The following STK31 variants were observed in gnomAD, a reference collection of about 807,000 sequenced individuals.
STK31 encodes the protein serine/threonine kinase 31.
Under a neutral mutation model 129.7 loss-of-function variants are expected in STK31, and 89 were observed. The observed-to-expected ratio is 0.69, with a 90% CI of 0.58 to 0.82. The LOEUF is 0.82. STK31 is among the 40% of genes least tolerant of loss of function. The pLI is 0.00. For missense variants in STK31, 1,187 were observed against 1,176.4 expected (o/e 1.01, Z -0.13); for synonymous variants, 448 against 395.3 (o/e 1.13, Z -1.58).
rs770266467 is a variant in STK31 at position 23,781,408 on chromosome 7, T to C, written c.1966-11T>C. ...ATGTTAATAAAAAACACTTTTTCTT[T>C]CTGATTCAAGTCAGATGATCCTGAT... On this transcript the variant is annotated splice_polypyrimidine_tract_variant and intron_variant, in intron 15 of 23. Transcript: ENST00000355870. 8 of 1,591,740 alleles carry C rather than the reference T, an allele frequency of 5.0e-6. No homozygotes were observed. Among genetic ancestry groups the C allele is most frequent in the Middle Eastern group, 1.7e-4 (1 of 5,768 alleles).
In STK31 at chr7:23,727,556, C is replaced by CTTT. The variant is rs58066410; in HGVS notation, c.324+263_324+265dup. 6.6e-3 allele frequency: 900 copies of CTTT among 137,138 alleles called. 13 individuals are homozygous for CTTT. The highest frequency in any genetic ancestry group is 0.015 in the East Asian group (45 of 2,946). The allele number at this position is 137,138 out of a possible 1,614,324, so 8.5% of individuals were successfully genotyped here. A position where few individuals can be genotyped will look rare whatever the true frequency, so the allele number is the denominator to read the frequency against. ...GTGACTAGTTATTTTTACCTCAGTT[C>CTTT]TTTTTTTTTTTTTTTTTTTTTTTTG... On this transcript the variant is annotated intron_variant, in intron 5 of 23. Coordinates refer to ENST00000355870, the MANE Select transcript of STK31 (RefSeq NM_031414.5).
chr7:23,819,813 A>G (rs1325588501), intron 23 of STK31, among the ~76,000 whole-genome samples: 1 of 152,148 alleles, frequency 6.6e-6, no homozygotes, highest in African/African-American at 2.4e-5. Flanking sequence ...AGGATCATTT[A>G]CATGTTCTAA....
chr7:23,711,219 A>G (rs1785938875), intron 1 of STK31, among the ~76,000 whole-genome samples: 1 of 152,162 alleles, frequency 6.6e-6, no homozygotes, highest in African/African-American at 2.4e-5. Context: ...TGGGCAAATC[A>G]CAAGGTCAGG....
At chr7:23,756,157 CCT>C (rs1789070494) in intron 10 of STK31, among the ~76,000 whole-genome samples, 1 of 152,032 alleles carries the variant, frequency 6.6e-6, no homozygotes, top group Non-Finnish European at 1.5e-5. Flanking sequence ...TTGTTTGTGT[CCT>C]CTCTTATTTC....
intron 16 of STK31, among the ~76,000 whole-genome samples, chr7:23,783,049 C>T (rs1273779756): frequency 1.3e-5 from 2 of 151,934 alleles, no homozygotes; most frequent in African/African-American, 4.8e-5. Flanking sequence ...GCAAATTGGG[C>T]AGCTGAATCA....
intron 8 of STK31, among the ~76,000 whole-genome samples, chr7:23,746,714 T>C (rs1321125203): frequency 6.6e-6 from 1 of 152,094 alleles, no homozygotes; most frequent in Non-Finnish European, 1.5e-5. Context: ...TTAATCCTCA[T>C]TGTCTTCATG....
At chr7:23,718,172 A>G (rs1334058339) in intron 4 of STK31, among the ~76,000 whole-genome samples, 4 of 152,212 alleles carry the variant, frequency 2.6e-5, no homozygotes, top group Non-Finnish European at 4.4e-5. Context: ...AGCCAAAAAA[A>G]CAAAAGTGAA....
chr7:23,736,924 A>G lies in STK31; in HGVS notation c.863A>G (p.Asp288Gly), dbSNP rs371784764. Reference protein sequence around the residue: ...TFPKESLAVGDFNLGSNVSLE... With the variant: ...TFPKESLAVGGFNLGSNVSLE... ...TATAGGGAAAGTTTGGCTGTTGGTG[A>G]CTTTAATTTAGGGTCTAACGTCAGC... The change falls in exon 8 of 24, where the codon GAC (aspartate) becomes GGC (glycine). Residue 288 changes from aspartate to glycine, a missense_variant. Physicochemically the swap from Asp to Gly is moderately conservative, Grantham distance 94 (BLOSUM62 -1). Coordinates refer to ENST00000355870, the MANE Select transcript of STK31 (RefSeq NM_031414.5). The G allele has an allele frequency of 6.2e-7, 1 of 1,600,344 alleles. No homozygotes were observed. The highest frequency in any genetic ancestry group is 1.7e-4 in the Middle Eastern group (1 of 5,964).
intron 22 of STK31, among the ~76,000 whole-genome samples, chr7:23,808,364 G>A (rs891588132): frequency 8.6e-5 from 13 of 151,794 alleles, no homozygotes; most frequent in African/African-American, 3.1e-4. Context: ...GACACCGGGA[G>A]ACCAGGAGGA....
chr7:23,829,626 G>A (rs1794422245), intron 23 of STK31, among the ~76,000 whole-genome samples: 1 of 152,302 alleles, frequency 6.6e-6, no homozygotes, highest in Middle Eastern at 3.4e-3. Flanking sequence ...TGGTATCAAG[G>A]TAATGGTGGG....
At chr7:23,736,782 T>C in intron 7 of STK31, 122 bp from the exon 8 acceptor site, 1 of 714,726 alleles carries the variant, frequency 1.4e-6, no homozygotes, top group Non-Finnish European at 2.1e-6. Flanking sequence ...GGTAAATATT[T>C]TAGTTTTCAA....
intron 8 of STK31, among the ~76,000 whole-genome samples, chr7:23,744,554 G>GAA (rs1788237766): frequency 2.0e-5 from 3 of 152,002 alleles, no homozygotes; most frequent in Admixed American, 2.0e-4. Context: ...TTGTGCATTG[G>GAA]GTGTAACAGT....
chr7:23,803,788 A>G (rs1792524550), intron 22 of STK31, among the ~76,000 whole-genome samples: 2 of 152,166 alleles, frequency 1.3e-5, no homozygotes, highest in Middle Eastern at 3.4e-3. Flanking sequence ...CTTTGTGTTC[A>G]TGAGTTCTCA....
In STK31 at chr7:23,754,731, C is replaced by G. The variant is rs149611649; in HGVS notation, c.1293+257C>G. ...GTTCTCAATGTTCAACTCCCACTTA[C>G]GAGTGAGAACATGTAGTGTTTGGTT... On this transcript the variant is annotated intron_variant, in intron 10 of 23. Coordinates refer to ENST00000355870, the MANE Select transcript of STK31 (RefSeq NM_031414.5). Among the ~76,000 whole-genome samples, 4 of 152,054 alleles carry G rather than the reference C, an allele frequency of 2.6e-5. No homozygotes were observed. The East Asian group carries it at 5.8e-4, about 22-fold the overall frequency.
chr7:23,771,286 A>C, intron 14 of STK31, 162 bp downstream of exon 14: 2 of 573,530 alleles, frequency 3.5e-6, no homozygotes, highest in Non-Finnish European at 5.3e-6. Flanking sequence ...AAATATATCA[A>C]ATTTTTTATT....
chr7:23,823,430 T>G (rs1303165535), intron 23 of STK31, among the ~76,000 whole-genome samples: 1 of 152,210 alleles, frequency 6.6e-6, no homozygotes, highest in Non-Finnish European at 1.5e-5. Context: ...CTTCATCCAC[T>G]TTTTGATGGG....
At chr7:23,783,761 A>T in intron 17 of STK31, 98 bp downstream of exon 17, 5 of 932,618 alleles carry the variant, frequency 5.4e-6, no homozygotes, top group Non-Finnish European at 8.0e-6. Context: ...GTATCTTTTA[A>T]ATAAAAATAC....
At chr7:23,765,500 CTT>C (rs901949643) in intron 11 of STK31, among the ~76,000 whole-genome samples, 3 of 150,696 alleles carry the variant, frequency 2.0e-5, no homozygotes, top group Non-Finnish European at 3.0e-5. Flanking sequence ...TTTATTAAAA[CTT>C]ATTTCTGTTT....
At chr7:23,751,957 TG>T (rs1320869902) in intron 8 of STK31, among the ~76,000 whole-genome samples, 1 of 114,232 alleles carries the variant, frequency 8.8e-6, no homozygotes, top group Non-Finnish European at 1.8e-5. Flanking sequence ...TGGTGGTTTC[TG>T]GGGGCTTGGG....
Sources: allele counts gnomAD v4.1 joint callset (sites outside exome capture counted in the v4.1 genomes callset), GRCh38; gene constraint gnomAD v4.1.1; transcripts MANE v1.5; gene names NCBI Gene and HGNC (gene_info 2026-07-23, HGNC 2026-07-21).